The following DHX37 variants were observed in gnomAD, a reference collection of about 807,000 sequenced individuals.
DHX37 encodes the protein DEAH-box helicase 37, also known as probable ATP-dependent RNA helicase DHX37.
In DHX37, 52 loss-of-function variants were observed where a neutral mutation model predicts 134.3. The observed-to-expected ratio is 0.39, with a 90% CI of 0.31 to 0.49. The LOEUF is 0.49. Ranked by LOEUF, DHX37 falls within the 20% of genes least tolerant of loss-of-function variation. DHX37 has a pLI of 0.93. For missense variants in DHX37, 1,344 were observed against 1,580.8 expected, an observed-to-expected ratio of 0.85 and a Z score of 2.54; for synonymous variants, 634 against 670.7, an observed-to-expected ratio of 0.95 and a Z score of 0.85.
At chr12:124,971,503 G>C in intron 7 of DHX37, 88 bp from the exon 8 acceptor site, 3 of 1,536,512 alleles carry the variant, frequency 2.0e-6, no homozygotes, top group Non-Finnish European at 1.8e-6. Flanking sequence ...TGAGGAGACA[G>C]TGTTAGAGGA....
chr12:124,977,391 C>T lies in DHX37; in HGVS notation c.838G>A (p.Gly280Arg). Reference protein sequence around the residue: ...IVIVCGETGSGKTTQVPQFLY... With the variant: ...IVIVCGETGSRKTTQVPQFLY... ...AACTGAGGCACCTGTGTGGTCTTCC[C>T]GCTGCCGGTCTCACCACACACGATG... The change falls in exon 5 of 27, where the codon GGG becomes AGG. Residue 280 changes from glycine to arginine, a missense_variant. Physicochemically the swap from Gly to Arg is moderately radical, Grantham distance 125. Transcript: ENST00000308736. The T allele has an allele frequency of 2.5e-6, 4 of 1,605,626 alleles. No individual in the cohort carries two copies. Among genetic ancestry groups the T allele is most frequent in the East Asian group, 2.3e-5 (1 of 44,242 alleles).
chr12:124,953,585 A>T, intron 20 of DHX37: 1 of 408,596 alleles, frequency 2.4e-6, no homozygotes, highest in East Asian at 5.5e-5. Context: ...AGAGGGGTCC[A>T]GGCCACAGCG....
At chr12:124,986,395 A>G in intron 1 of DHX37, 130 bp from the exon 2 acceptor site, 1 of 999,240 alleles carries the variant, frequency 1.0e-6, no homozygotes, top group Non-Finnish European at 1.5e-6. Flanking sequence ...GTGAGCTCAA[A>G]TCTATTTTCA....
chr12:124,987,365 A>G (rs1488318642), intron 1 of DHX37, among the ~76,000 whole-genome samples: 1 of 152,218 alleles, frequency 6.6e-6, no homozygotes, highest in African/African-American at 2.4e-5. Context: ...AAATAAAAGA[A>G]GGTAATCTGA....
chr12:124,987,620 CCTTT>C (rs1204022795), intron 1 of DHX37, among the ~76,000 whole-genome samples: 1 of 152,194 alleles, frequency 6.6e-6, no homozygotes, highest in African/African-American at 2.4e-5. Context: ...ACCTCTGTAA[CCTTT>C]CTTTACTTTT....
intron 15 of DHX37, among the ~76,000 whole-genome samples, chr12:124,963,878 CAA>C (rs71092251): frequency 0.02 from 1,834 of 90,152 alleles, 6 homozygotes; most frequent in African/African-American, 0.027. Context: ...AGACTCGTCT[CAA>C]AAAAAAAAAA....
chr12:124,972,145 C>A lies in DHX37; in HGVS notation c.1077+358G>T, dbSNP rs1383633026. Among the ~76,000 whole-genome samples, 4 of 152,354 alleles carry A rather than the reference C, an allele frequency of 2.6e-5. No individual in the cohort carries two copies. In the East Asian group the frequency reaches 7.7e-4, roughly 29 times the overall value. ...TGTCTGGACCCGCCGCAGGGCAGAG[C>A]CTGCACACCACAGGCTTTCAGTACA... is the stretch of plus-strand genomic sequence containing the variant. On this transcript the variant is annotated intron_variant, in intron 7 of 26. Transcript: ENST00000308736.
intron 16 of DHX37, 142 bp downstream of exon 16, chr12:124,960,170 T>C: frequency 2.8e-6 from 4 of 1,411,584 alleles, no homozygotes; most frequent in Non-Finnish European, 3.8e-6. Context: ...CCAGAAGCCC[T>C]GGGAGCACCT....
In DHX37 at chr12:124,980,486, G is replaced by A. The variant is rs4072888; in HGVS notation, c.738+4C>T. The A allele has an allele frequency of 0.022, 35,709 of 1,605,992 alleles. 2,727 individuals carry two copies. Among genetic ancestry groups the A allele is most frequent in the African/African-American group, 0.2 (14,563 of 74,592 alleles). Reference sequence around the variant, plus strand: ...TTCTTAATCACAAACACGGGGTGGCGAACCTGCATTTCCGGGGAGCGGTTC... The same window carrying A: ...TTCTTAATCACAAACACGGGGTGGCAAACCTGCATTTCCGGGGAGCGGTTC... On this transcript the variant is annotated splice_donor_region_variant and intron_variant, in intron 4 of 26. Transcript: ENST00000308736. This position sits in a 1 kb window ranked among gnomAD's most constrained non-coding sequence, Gnocchi z 5.3.
At chr12:124,969,075 C>T in intron 8 of DHX37, 107 bp from the exon 9 acceptor site, 1 of 1,065,782 alleles carries the variant, frequency 9.4e-7, no homozygotes. Context: ...TTCCAGCCCC[C>T]ACCCTCTGCC....
At chr12:124,961,281 CACACACTTACACGCGT>C (rs1270404282) in intron 15 of DHX37, among the ~76,000 whole-genome samples, 37 of 83,892 alleles carry the variant, frequency 4.4e-4, no homozygotes, top group African/African-American at 3.1e-3. Flanking sequence ...CGTGCACGCA[CACACACTTACACGCGT>C]GCACGCACGC....
chr12:124,976,675 A>G (rs1954648161), intron 5 of DHX37, among the ~76,000 whole-genome samples: 1 of 151,708 alleles, frequency 6.6e-6, no homozygotes, highest in Non-Finnish European at 1.5e-5. Flanking sequence ...TAAAAATACA[A>G]AAAAATTAGC....
intron 13 of DHX37, among the ~76,000 whole-genome samples, chr12:124,965,317 G>A (rs1193791969): frequency 1.3e-5 from 2 of 152,198 alleles, no homozygotes; most frequent in African/African-American, 4.8e-5. Flanking sequence ...ATTGTGGTGG[G>A]GTCAGGCTGA....
chr12:124,964,682 G>A, intron 14 of DHX37, 56 bp from the exon 15 acceptor site: 1 of 1,596,112 alleles, frequency 6.3e-7, no homozygotes, highest in Admixed American at 1.9e-5. Flanking sequence ...AGAAATCGTG[G>A]AATGGAGGCT....
intron 2 of DHX37, 83 bp downstream of exon 2, chr12:124,986,013 G>A: frequency 5.2e-6 from 8 of 1,547,148 alleles, no homozygotes; most frequent in Non-Finnish European, 7.0e-6. Context: ...TTGCACCACA[G>A]AGACACCCTC....
chr12:124,962,221 C>T (rs1179938515), intron 15 of DHX37, among the ~76,000 whole-genome samples: 4 of 152,048 alleles, frequency 2.6e-5, no homozygotes, highest in Non-Finnish European at 5.9e-5. Context: ...AAAAAAACCC[C>T]AGCAAAACAA....
rs753076552 is a variant in DHX37, at chr12:124,972,519, A to C, written c.1061T>G (p.Leu354Arg). The change falls in exon 7 of 27, where the codon CTT becomes CGT. Residue 354 changes from leucine (L) to arginine (R), a missense_variant. Leu to Arg is a moderately radical substitution (Grantham distance 102). This residue lies in a region of DHX37 where 30 missense variants were observed against 72.5 expected (regional missense o/e 0.41). Coordinates refer to ENST00000308736, the MANE Select transcript of DHX37 (RefSeq NM_032656.4). ...ACAACCAACCTTCTGGATTTCTTTA[A>C]GCAGCACACCATCCGTCATGAACTT... ...RIKFMTDGVL[L>R]KEIQKDFLLL... The C allele has an allele frequency of 3.1e-6, 5 of 1,614,088 alleles. No homozygotes were observed. In the Admixed American group the frequency reaches 6.7e-5, roughly 22 times the overall value.
At chr12:124,964,310 T>TG in intron 15 of DHX37, 84 bp downstream of exon 15, 23 of 1,577,318 alleles carry the variant, frequency 1.5e-5, no homozygotes, top group Non-Finnish European at 2.0e-5. Flanking sequence ...CAGATGGAGG[T>TG]GGGGGTCAGC....
rs1728141347 is a variant in DHX37 at position 124,987,510 on chromosome 12, AGTTCCAAG to A, written c.107-1253_107-1246del. Among the ~76,000 whole-genome samples the A allele has an allele frequency of 1.3e-5, 2 of 152,192 alleles. 1 individual carries two copies. Among genetic ancestry groups the A allele is most frequent in the African/African-American group, 4.8e-5 (2 of 41,448 alleles). On this transcript the variant is annotated intron_variant, in intron 1 of 26. Transcript: ENST00000308736. ...CTCAGCCCCTCTGCTCAGGTGGTCC[AGTTCCAAG>A]TGTCAGCCCAGTGTCTACGGCTGTC... is the stretch of plus-strand genomic sequence containing the variant.
Sources: gnomAD v4.1 joint callset for allele counts (sites outside exome capture counted in the v4.1 genomes callset) on GRCh38, gnomAD v4.1.1 for gene constraint, gnomAD v4.1.1 regional missense constraint, Gnocchi (gnomAD v3.1) non-coding constraint, MANE v1.5 for transcripts, NCBI Gene and HGNC (gene_info 2026-07-23, HGNC 2026-07-21) for gene names.